Variants in CYREN observed in about 807,000 individuals in gnomAD.
The protein encoded by CYREN is cell cycle regulator of NHEJ.
In CYREN, 7 loss-of-function variants were observed where a neutral mutation model predicts 9.7. The ratio of observed to expected loss-of-function variants is 0.72; its 90% CI spans 0.41 to 1.36. The LOEUF is 1.36. Among genes scored for constraint, CYREN ranks in the 40% most tolerant of loss-of-function variants. CYREN has a pLI of 0.01. For missense variants in CYREN, 215 were observed against 198.1 expected, an observed-to-expected ratio of 1.09 and a Z score of -0.51; for synonymous variants, 76 against 77.9, an observed-to-expected ratio of 0.98 and a Z score of 0.13.
At chr7:135,115,046 A>C (rs1484360198) in intron 2 of CYREN, among the ~76,000 whole-genome samples, 2 of 152,116 alleles carry the variant, frequency 1.3e-5, no homozygotes, top group Non-Finnish European at 2.9e-5. Context: ...TTTGTCTCGA[A>C]TTATCTTTCC....
intron 2 of CYREN, among the ~76,000 whole-genome samples, chr7:135,158,493 G>A (rs949266973): frequency 2.6e-5 from 4 of 152,216 alleles, no homozygotes; most frequent in African/African-American, 4.8e-5. Context: ...GCCACATCTC[G>A]GTCTCACAGC....
rs1252776735 is a variant in CYREN at position 135,096,588 on chromosome 7, G to GATAGATAGATAC, written n.357-2007_357-2006insGTATCTATCTAT. 2.2e-4 allele frequency among the ~76,000 whole-genome samples: 26 copies of GATAGATAGATAC among 120,306 alleles called. 1 individual carries two copies. Among genetic ancestry groups the GATAGATAGATAC allele is most frequent in the Admixed American group, 5.1e-4 (6 of 11,778 alleles). 78.9% of individuals were successfully genotyped at this position (120,306 alleles called of 152,430 possible). On this transcript the variant is annotated intron_variant and non_coding_transcript_variant, in intron 2 of 2. Transcript: ENST00000459937. Reference sequence around the variant, plus strand: ...AGATAGATAGATAGATAGATACATAGATAGATAGATAGATAGATAGATAGA... The same window carrying GATAGATAGATAC: ...AGATAGATAGATAGATAGATACATAGATAGATAGATACATAGATAGATAGATAGATAGATAGA...
upstream of CYREN, among the ~76,000 whole-genome samples, chr7:135,171,785 T>C (rs12112774): frequency 5.3e-5 from 8 of 151,830 alleles, no homozygotes; most frequent in Non-Finnish European, 2.9e-5. Context: ...TGACAAGCCC[T>C]GTGGAGCGTC....
intron 2 of CYREN, among the ~76,000 whole-genome samples, chr7:135,125,185 A>G (rs113170693): frequency 4.6e-5 from 7 of 152,304 alleles, no homozygotes; most frequent in African/African-American, 9.6e-5. Context: ...GAAAAATCAA[A>G]TAGACACAAT....
chr7:135,132,100 A>G (rs183562146), intron 2 of CYREN, among the ~76,000 whole-genome samples: 19 of 152,338 alleles, frequency 1.2e-4, no homozygotes, highest in Non-Finnish European at 2.5e-4. Flanking sequence ...CTAATAAAGG[A>G]AGAATTAATA....
chr7:135,155,389 T>C (rs1829765086), intron 2 of CYREN, among the ~76,000 whole-genome samples: 1 of 152,224 alleles, frequency 6.6e-6, no homozygotes, highest in Non-Finnish European at 1.5e-5. Flanking sequence ...TTCAGGTTGT[T>C]TTATAGACTC....
At chr7:135,147,976 C>T (rs1271997426) in intron 2 of CYREN, 2 of 455,248 alleles carry the variant, frequency 4.4e-6, no homozygotes, top group Non-Finnish European at 8.8e-6. Context: ...TGTTTACATA[C>T]CTCATTTCTG....
At chr7:135,095,417 C>T (rs576711705) in intron 2 of CYREN, among the ~76,000 whole-genome samples, 1 of 152,116 alleles carries the variant, frequency 6.6e-6, no homozygotes, top group Non-Finnish European at 1.5e-5. Flanking sequence ...ACAGGAGAGA[C>T]AAAAACAAAT....
At chr7:135,170,626 A>C (rs1230788822) in intron 1 of CYREN, 26 bp downstream of exon 1, 3 of 152,138 alleles carry the variant, frequency 2.0e-5, no homozygotes, top group Non-Finnish European at 4.4e-5. Context: ...GGCAAATTCC[A>C]AGCGGTTGTG....
intron 2 of CYREN, among the ~76,000 whole-genome samples, chr7:135,132,584 T>C (rs1828923849): frequency 6.6e-6 from 1 of 152,160 alleles, no homozygotes; most frequent in South Asian, 2.1e-4. Context: ...CACCTTTAAT[T>C]GTAATAATCC....
At chr7:135,104,964 T>C (rs1824436332) in intron 2 of CYREN, among the ~76,000 whole-genome samples, 1 of 152,108 alleles carries the variant, frequency 6.6e-6, no homozygotes, top group Admixed American at 6.5e-5. Flanking sequence ...TTTGTTGTGA[T>C]TGCTTTTGGT....
chr7:135,097,309 A>G (rs1266565886), intron 2 of CYREN, among the ~76,000 whole-genome samples: 1 of 152,200 alleles, frequency 6.6e-6, no homozygotes, highest in Non-Finnish European at 1.5e-5. Flanking sequence ...CAGTGTATCA[A>G]GTGATACACT....
chr7:135,117,813 C>G (rs926391328), intron 2 of CYREN, among the ~76,000 whole-genome samples: 1 of 152,218 alleles, frequency 6.6e-6, no homozygotes, highest in African/African-American at 2.4e-5. Context: ...GGGACTGCCT[C>G]TTGATCCACA....
chr7:135,158,156 G>C (rs905034130), intron 2 of CYREN, among the ~76,000 whole-genome samples: 4 of 152,136 alleles, frequency 2.6e-5, no homozygotes, highest in African/African-American at 7.2e-5. Flanking sequence ...ATGGCACCTT[G>C]GGCCTGTGAC....
At chr7:135,148,700 AAC>A (rs752655751) in intron 2 of CYREN, among the ~76,000 whole-genome samples, 25 of 152,360 alleles carry the variant, frequency 1.6e-4, no homozygotes, top group Non-Finnish European at 3.4e-4. Context: ...GGTAGTTACG[AAC>A]ACATCATAAA....
chr7:135,152,144 A>C (rs1829679442), intron 2 of CYREN, among the ~76,000 whole-genome samples: 1 of 152,248 alleles, frequency 6.6e-6, no homozygotes, highest in Non-Finnish European at 1.5e-5. Flanking sequence ...TATATAATTA[A>C]AGCCATTTTA....
At chr7:135,127,749 T>C (rs544858289) in intron 2 of CYREN, among the ~76,000 whole-genome samples, 1 of 152,174 alleles carries the variant, frequency 6.6e-6, no homozygotes, top group African/African-American at 2.4e-5. Context: ...AGTTCAACCA[T>C]TGTGGAAGAC....
At chr7:135,162,256 C>T (rs1304209780), downstream of CYREN, among the ~76,000 whole-genome samples, 1 of 152,148 alleles carries the variant, frequency 6.6e-6, no homozygotes, top group African/African-American at 2.4e-5. Context: ...GGCTGTGTAG[C>T]CTTCAGGTCC....
At chr7:135,147,215 T>C (rs1829564244) in intron 2 of CYREN, among the ~76,000 whole-genome samples, 1 of 152,230 alleles carries the variant, frequency 6.6e-6, no homozygotes, top group East Asian at 1.9e-4. Flanking sequence ...TTTGCTAGTA[T>C]GTAGCAGAAC....
Sources: gnomAD v4.1 joint callset for allele counts (sites outside exome capture counted in the v4.1 genomes callset) on GRCh38, gnomAD v4.1.1 for gene constraint, MANE v1.5 for transcripts, NCBI Gene and HGNC (gene_info 2026-07-23, HGNC 2026-07-21) for gene names.